ATP10A: variants seen among roughly 807,000 people sequenced by gnomAD.
The protein encoded by ATP10A is phospholipid-transporting ATPase VA.
A neutral mutation model predicts 147.8 loss-of-function variants in ATP10A; 111 were observed. The observed-to-expected ratio is 0.75, with a 90% CI of 0.64 to 0.88. ATP10A has a LOEUF of 0.88. ATP10A is among the 40% of genes least tolerant of loss of function. ATP10A has a pLI of 0.00. For synonymous variants in ATP10A, 875 were observed against 841.6 expected (o/e 1.04, Z -0.69); for missense variants, 1,927 against 1,959.0 (o/e 0.98, Z 0.31).
chr15:25,849,051 G>A (rs1276753687), intron 1 of ATP10A, among the ~76,000 whole-genome samples: 3 of 152,020 alleles, frequency 2.0e-5, no homozygotes, highest in Non-Finnish European at 4.4e-5. Context: ...TTGGTGAGAG[G>A]AGGGAGAGTC....
At chr15:25,692,446 C>T (rs1050768714) in intron 14 of ATP10A, among the ~76,000 whole-genome samples, 7 of 152,180 alleles carry the variant, frequency 4.6e-5, no homozygotes, top group Non-Finnish European at 7.3e-5. Flanking sequence ...GGTCACCATT[C>T]TTGGAACTGG....
In ATP10A at chr15:25,683,498, A is replaced by G. The variant is rs781659288; in HGVS notation, c.3292-12T>C. On this transcript the variant is annotated splice_polypyrimidine_tract_variant and intron_variant, in intron 16 of 20. Coordinates refer to ENST00000555815, the MANE Select transcript of ATP10A (RefSeq NM_024490.4). Reference sequence around the variant, plus strand: ...AGGCCCACGAACATCTGAAATCAAGAAAGGAAGAACAGGAACAGGCGAGTC... The same window carrying G: ...AGGCCCACGAACATCTGAAATCAAGGAAGGAAGAACAGGAACAGGCGAGTC... The G allele has an allele frequency of 7.5e-6, 12 of 1,607,642 alleles. No homozygotes were observed. Among genetic ancestry groups the G allele is most frequent in the Non-Finnish European group, 1.0e-5 (12 of 1,176,808 alleles).
chr15:25,862,172 C>T (rs1893790707), intron 1 of ATP10A: 15 of 434,414 alleles, frequency 3.5e-5, no homozygotes, highest in South Asian at 2.4e-4. Context: ...CACTTGGCGG[C>T]AGTTTCACTT....
In ATP10A at chr15:25,756,630, A is replaced by G. The variant is rs533528166; in HGVS notation, c.655-20489T>C. Among the ~76,000 whole-genome samples the G allele has an allele frequency of 1.9e-3, 258 of 138,436 alleles. 1 individual carries two copies. The highest frequency in any genetic ancestry group is 2.6e-3 in the Admixed American group (36 of 13,626). 90.8% of individuals were successfully genotyped at this position (138,436 alleles called of 152,430 possible). A position where few individuals can be genotyped will look rare whatever the true frequency, so the allele number is the denominator to read the frequency against. On this transcript the variant is annotated intron_variant, in intron 2 of 20. Transcript: ENST00000555815. ...TGCACTCCAGCCTGGGCCACAGAGC[A>G]AGACTCCATCTCAAATAAAAAAAAA...
At chr15:25,735,017 GGGGGTGGGGGAAGTGGGT>G (rs1887190478) in intron 3 of ATP10A, among the ~76,000 whole-genome samples, 1 of 119,778 alleles carries the variant, frequency 8.3e-6, no homozygotes, top group Non-Finnish European at 1.8e-5. Context: ...GGGGGGGTGG[GGGGGTGGGGGAAGTGGGT>G]GGGGCAGGCG....
intron 1 of ATP10A, among the ~76,000 whole-genome samples, chr15:25,793,627 G>A (rs1325696035): frequency 6.6e-6 from 1 of 152,236 alleles, no homozygotes; most frequent in Non-Finnish European, 1.5e-5. Flanking sequence ...CCCTGCGGAT[G>A]AGTGGTTACT....
At chr15:25,859,241 C>G (rs2140924632) in intron 1 of ATP10A, among the ~76,000 whole-genome samples, 1 of 152,180 alleles carries the variant, frequency 6.6e-6, no homozygotes, top group East Asian at 1.9e-4. Flanking sequence ...CCCCTCAGCT[C>G]TCGGCCCCGA....
chr15:25,681,159 G>T lies in ATP10A; in HGVS notation c.3493-85C>A, dbSNP rs571517491. 632 of 1,377,234 alleles carry T rather than the reference G, an allele frequency of 4.6e-4. 9 individuals are homozygous for T. In the South Asian group the frequency reaches 7.8e-3, roughly 17 times the overall value. 85.3% of individuals were successfully genotyped at this position (1,377,234 alleles called of 1,614,324 possible). On this transcript the variant is annotated intron_variant, in intron 17 of 20. Coordinates refer to ENST00000555815, the MANE Select transcript of ATP10A (RefSeq NM_024490.4). ...AGTTAGAATAAAAATGGAGTCACTT[G>T]TGTTAAAAACAACAACAATAACAAC...
chr15:25,710,697 T>C (rs1054123454), intron 10 of ATP10A: 5 of 152,262 alleles, frequency 3.3e-5, no homozygotes, highest in Non-Finnish European at 1.5e-5. Context: ...ATGCATGTAC[T>C]CATCATGCAA....
In ATP10A at chr15:25,679,502, C is replaced by A; in HGVS notation, c.4339G>T (p.Val1447Phe). 6.2e-7 allele frequency: 1 copy of A among 1,613,812 alleles called. No homozygotes were observed. Residue 1447 changes from valine to phenylalanine, a missense_variant, in exon 21 of 21, where the codon GTC becomes TTC. Coordinates refer to ENST00000555815, the MANE Select transcript of ATP10A (RefSeq NM_024490.4). Reference sequence around the variant, plus strand: ...TGTAAGACACTCCCCAGCCTGCTGACCAGCGACCAGGAGGAAATCCAGTTG... The same window carrying A: ...TGTAAGACACTCCCCAGCCTGCTGAACAGCGACCAGGAGGAAATCCAGTTG... ...LLNWISSWSL[V>F]SRLGSVLQFS...
At chr15:25,793,544 T>G (rs910120799) in intron 1 of ATP10A, among the ~76,000 whole-genome samples, 3 of 152,192 alleles carry the variant, frequency 2.0e-5, no homozygotes, top group African/African-American at 7.2e-5. Flanking sequence ...CCACAGGTCT[T>G]CCCCAGCAGC....
intron 1 of ATP10A, among the ~76,000 whole-genome samples, chr15:25,835,249 C>T (rs1892540846): frequency 6.6e-6 from 1 of 152,104 alleles, no homozygotes; most frequent in Non-Finnish European, 1.5e-5. Flanking sequence ...CCAGCCTGAG[C>T]AATAGAGTGA....
Position 25,713,694 on chromosome 15 carries a change from A to T in ATP10A, c.2324T>A (p.Leu775His). The change falls in exon 10 of 21, where the codon CTC (leucine) becomes CAC (histidine). Residue 775 changes from leucine (L) to histidine (H), a missense_variant. Coordinates refer to ENST00000555815, the MANE Select transcript of ATP10A (RefSeq NM_024490.4). ...AGTACCTGAAGAGCAGGGCTGCAGG[A>T]GATCCATGACCACTGAGTCGGCCCC... ...TKGADSVVMDLLQPCSSVDAR... is the reference protein window; with the variant it reads ...TKGADSVVMDHLQPCSSVDAR... 1 of 1,614,020 alleles carries T rather than the reference A, an allele frequency of 6.2e-7. No homozygotes were observed. The highest frequency in any genetic ancestry group is 8.5e-7 in the Non-Finnish European group (1 of 1,179,986).
intron 2 of ATP10A, among the ~76,000 whole-genome samples, chr15:25,758,900 T>TCACCTGCTCCACCCTAACTCATTCTGAC (rs1888598864): frequency 7.3e-6 from 1 of 136,936 alleles, no homozygotes; most frequent in Non-Finnish European, 1.5e-5. Flanking sequence ...CTCATTCTGA[T>TCACCTGCTCCACCCTAACTCATTCTGAC]CACCTGCTCC....
Position 25,679,446 on chromosome 15 carries a change from T to A in ATP10A, c.4395A>T (p.Gly1465=). ...GGACAGGAAGTCCACGTCCCGCTTG[T>A]CCATCTGCAAGCTGCTCCGTCCGGG... ...QFSRTEQLAD[G]QAGRGLPVQP... The change falls in exon 21 of 21, where the codon GGA becomes GGT. Residue 1465 remains glycine, a synonymous_variant. Coordinates refer to ENST00000555815, the MANE Select transcript of ATP10A (RefSeq NM_024490.4). 6.2e-7 allele frequency: 1 copy of A among 1,614,038 alleles called. No homozygotes were observed. The highest frequency in any genetic ancestry group is 8.5e-7 in the Non-Finnish European group (1 of 1,179,972).
intron 13 of ATP10A, among the ~76,000 whole-genome samples, chr15:25,698,701 C>T (rs1364128875): frequency 1.3e-5 from 2 of 152,128 alleles, no homozygotes; most frequent in South Asian, 2.1e-4. Context: ...ACAAAACCTA[C>T]AAAAAATGTT....
chr15:25,805,877 G>A (rs1891157858), intron 1 of ATP10A, among the ~76,000 whole-genome samples: 1 of 152,144 alleles, frequency 6.6e-6, no homozygotes, highest in Admixed American at 6.5e-5. Context: ...AAGATGGCAG[G>A]CACATCTGCC....
chr15:25,827,721 T>C (rs1404924798), intron 1 of ATP10A, among the ~76,000 whole-genome samples: 1 of 152,148 alleles, frequency 6.6e-6, no homozygotes, highest in Non-Finnish European at 1.5e-5. Context: ...GCGGCAGTAA[T>C]GGAGGAACAG....
At position 25,857,274 on chromosome 15, in the gene ATP10A, T is replaced by C. The variant is rs151150489; in HGVS notation, c.449+5374A>G. On this transcript the variant is annotated intron_variant, in intron 1 of 20. Transcript: ENST00000555815. ...GCCTGGGCAACATAGTGAGACCTTA[T>C]CTCTATGAAATTTTTAAGAAAAATT... Among the ~76,000 whole-genome samples, 11 of 152,230 alleles carry C rather than the reference T, an allele frequency of 7.2e-5. No individual in the cohort carries two copies. The East Asian group carries it at 2.1e-3, about 29-fold the overall frequency.
Sources: gnomAD v4.1 joint callset for allele counts (sites outside exome capture counted in the v4.1 genomes callset) on GRCh38, gnomAD v4.1.1 for gene constraint, MANE v1.5 for transcripts, NCBI Gene and HGNC (gene_info 2026-07-23, HGNC 2026-07-21) for gene names.